Variants in CCSER1 observed in about 807,000 individuals in gnomAD.
CCSER1 encodes coiled-coil serine rich protein 1.
CCSER1 carries 41 observed loss-of-function variants against 82.0 expected under a neutral mutation model. The observed-to-expected ratio is 0.50, with a 90% CI of 0.39 to 0.65. The LOEUF (loss-of-function observed/expected upper bound fraction) is 0.65, where lower values mean the gene tolerates loss of function less well. Ranked by LOEUF, CCSER1 falls within the 30% of genes least tolerant of loss-of-function variation. The pLI is 0.00. For missense variants in CCSER1, 1,119 were observed against 1,064.2 expected (o/e 1.05, Z -0.72); for synonymous variants, 414 against 383.9 (o/e 1.08, Z -0.92).
intron 10 of CCSER1, among the ~76,000 whole-genome samples, chr4:91,096,447 G>A (rs1370428721): frequency 6.6e-6 from 1 of 152,162 alleles, no homozygotes; most frequent in Non-Finnish European, 1.5e-5. Flanking sequence ...TTTGCTACTA[G>A]TACTGCTGCT....
chr4:91,541,831 T>G (rs1033066151), intron 10 of CCSER1, among the ~76,000 whole-genome samples: 8 of 152,182 alleles, frequency 5.3e-5, no homozygotes. Flanking sequence ...TGAACTAGTT[T>G]ACAGTCCCAC....
At chr4:91,548,214 T>C (rs1361803537) in intron 10 of CCSER1, among the ~76,000 whole-genome samples, 5 of 152,206 alleles carry the variant, frequency 3.3e-5, no homozygotes, top group Non-Finnish European at 5.9e-5. Context: ...CTAAGCAAAA[T>C]CCATTTTCAA....
chr4:90,498,046 G>C (rs1177820240), intron 5 of CCSER1, among the ~76,000 whole-genome samples: 1 of 147,700 alleles, frequency 6.8e-6, no homozygotes, highest in Non-Finnish European at 1.5e-5. Flanking sequence ...TGTTTATTTT[G>C]GTTCTAGTAA....
At chr4:91,482,865 G>A (rs1344733103) in intron 10 of CCSER1, among the ~76,000 whole-genome samples, 2 of 151,968 alleles carry the variant, frequency 1.3e-5, no homozygotes, top group South Asian at 2.1e-4. Context: ...AACACCGCAT[G>A]TTCTCACTCA....
intron 8 of CCSER1, among the ~76,000 whole-genome samples, chr4:90,881,984 G>A (rs985748805): frequency 6.6e-6 from 1 of 151,938 alleles, no homozygotes; most frequent in African/African-American, 2.4e-5. Context: ...CTCTTGGCCT[G>A]AAGAAATAAC....
chr4:90,431,840 C>T (rs28631711), intron 4 of CCSER1, among the ~76,000 whole-genome samples: 2,694 of 152,112 alleles, frequency 0.018, 34 homozygotes, highest in African/African-American at 0.038. Flanking sequence ...CCATTCCCAC[C>T]TCCTCAAATT....
At chr4:91,106,758 G>C (rs1725658422) in intron 10 of CCSER1, among the ~76,000 whole-genome samples, 1 of 152,158 alleles carries the variant, frequency 6.6e-6, no homozygotes, top group Admixed American at 6.5e-5. Flanking sequence ...GTGCAAGCTA[G>C]ATAGCCTCTT....
intron 10 of CCSER1, among the ~76,000 whole-genome samples, chr4:91,394,225 G>A (rs973527557): frequency 3.3e-5 from 5 of 151,918 alleles, no homozygotes; most frequent in South Asian, 4.1e-4. Context: ...AAAACAATGC[G>A]TTGAAATTGA....
intron 10 of CCSER1, among the ~76,000 whole-genome samples, chr4:91,328,591 G>A (rs1254264292): frequency 6.6e-6 from 1 of 151,792 alleles, no homozygotes; most frequent in African/African-American, 2.4e-5. Flanking sequence ...CGAACCACTT[G>A]GATTTTAGAT....
chr4:91,181,943 A>G (rs181522901), intron 10 of CCSER1, among the ~76,000 whole-genome samples: 1 of 152,282 alleles, frequency 6.6e-6, no homozygotes, highest in African/African-American at 2.4e-5. Context: ...CGATAAGTAT[A>G]ATTGTTCTCT....
At chr4:90,554,174 A>C (rs1777850668) in intron 5 of CCSER1, among the ~76,000 whole-genome samples, 1 of 152,088 alleles carries the variant, frequency 6.6e-6, no homozygotes, top group Non-Finnish European at 1.5e-5. Flanking sequence ...AGCCTGGGCA[A>C]CATAGAAAGA....
At chr4:91,296,536 AT>A (rs1010472512) in intron 10 of CCSER1, among the ~76,000 whole-genome samples, 3 of 146,736 alleles carry the variant, frequency 2.0e-5, no homozygotes, top group African/African-American at 7.5e-5. Flanking sequence ...AGATATAAAA[AT>A]AACAATATAA....
At chr4:90,343,180 G>A (rs1249660649) in intron 3 of CCSER1, among the ~76,000 whole-genome samples, 1 of 151,710 alleles carries the variant, frequency 6.6e-6, no homozygotes, top group Admixed American at 6.6e-5. Flanking sequence ...TATTTTTTGG[G>A]GGCCTTTATC....
intron 1 of CCSER1, among the ~76,000 whole-genome samples, chr4:90,250,195 A>G (rs996517957): frequency 1.3e-5 from 2 of 151,930 alleles, no homozygotes; most frequent in African/African-American, 4.8e-5. Flanking sequence ...TACCTTCCTG[A>G]TGGTATCTTT....
At chr4:90,495,850 A>G (rs1163179396) in intron 5 of CCSER1, among the ~76,000 whole-genome samples, 2 of 152,188 alleles carry the variant, frequency 1.3e-5, no homozygotes. Context: ...CAGCAATGCA[A>G]TAGAATGGCA....
chr4:90,289,860 T>C (rs957966310), intron 1 of CCSER1, among the ~76,000 whole-genome samples: 2 of 151,818 alleles, frequency 1.3e-5, no homozygotes, highest in Admixed American at 1.3e-4. Flanking sequence ...AAATTTCTTA[T>C]GGTAGGTGCT....
chr4:91,417,366 A>G (rs992411792), intron 10 of CCSER1, among the ~76,000 whole-genome samples: 39 of 152,190 alleles, frequency 2.6e-4, no homozygotes, highest in Admixed American at 2.3e-3. Context: ...AATATAAATC[A>G]TTCTATTATA....
intron 5 of CCSER1, among the ~76,000 whole-genome samples, chr4:90,517,904 A>G (rs748064707): frequency 7.2e-5 from 11 of 152,044 alleles, no homozygotes; most frequent in Admixed American, 3.9e-4. Context: ...CCTCACTCCA[A>G]AACCATGCAT....
intron 8 of CCSER1, among the ~76,000 whole-genome samples, chr4:90,899,072 A>G (rs1012814237): frequency 6.6e-6 from 1 of 151,952 alleles, no homozygotes; most frequent in Admixed American, 6.6e-5. Flanking sequence ...TGTTCTATCT[A>G]TGAGCATATC....
Sources: gnomAD v4.1 joint callset for allele counts (sites outside exome capture counted in the v4.1 genomes callset) on GRCh38, gnomAD v4.1.1 for gene constraint, MANE v1.5 for transcripts, NCBI Gene and HGNC (gene_info 2026-07-23, HGNC 2026-07-21) for gene names.